GPCPD1: variants seen among roughly 807,000 people sequenced by gnomAD.
GPCPD1 encodes the protein glycerophosphocholine phosphodiesterase GPCPD1.
A neutral mutation model predicts 89.2 loss-of-function variants in GPCPD1; 29 were observed. The observed-to-expected ratio is 0.33, with a 90% CI of 0.24 to 0.44. The LOEUF (loss-of-function observed/expected upper bound fraction) is 0.44. Ranked by LOEUF, GPCPD1 falls within the 20% of genes least tolerant of loss-of-function variation. The probability of loss-of-function intolerance (pLI) is 1.00; values close to 1 mark genes in which losing one functional copy is unlikely to be tolerated. For missense variants in GPCPD1, 594 were observed against 808.9 expected (o/e 0.73, Z 3.22); for synonymous variants, 258 against 266.3 (o/e 0.97, Z 0.30).
At chr20:5,594,485 G>A (rs1979565308) in intron 3 of GPCPD1, among the ~76,000 whole-genome samples, 1 of 152,014 alleles carries the variant, frequency 6.6e-6, no homozygotes, top group Non-Finnish European at 1.5e-5. Flanking sequence ...AGTAGAGACG[G>A]GTTTCACCGC....
intron 1 of GPCPD1, among the ~76,000 whole-genome samples, chr20:5,609,172 A>G (rs886499419): frequency 2.0e-5 from 3 of 152,108 alleles, no homozygotes; most frequent in Non-Finnish European, 4.4e-5. Flanking sequence ...CTTCCTTCGA[A>G]TTTTTTCAAG....
At chr20:5,593,266 TA>T in intron 4 of GPCPD1, 60 bp downstream of exon 4, 1 of 837,792 alleles carries the variant, frequency 1.2e-6, no homozygotes, top group Non-Finnish European at 2.1e-6. Context: ...TGTTCAAACT[TA>T]AGTGAGTTGC....
intron 19 of GPCPD1, among the ~76,000 whole-genome samples, chr20:5,555,062 C>T (rs1350339807): frequency 1.3e-5 from 2 of 152,192 alleles, no homozygotes; most frequent in East Asian, 3.8e-4. Flanking sequence ...CATGATAAAA[C>T]TTTAACAGAC....
intron 1 of GPCPD1, among the ~76,000 whole-genome samples, chr20:5,605,472 T>C (rs1568683276): frequency 6.6e-6 from 1 of 152,138 alleles, no homozygotes; most frequent in South Asian, 2.1e-4. Context: ...ATGTAACTTA[T>C]CATTAAAAGA....
chr20:5,545,061 G>C lies in GPCPD1; in HGVS notation c.*2600C>G, dbSNP rs1418378131. ...TAGAAAATACCAGAGGATAATGGCG[G>C]CATTTTTTCAAACATTTCACTTGAT... On this transcript the variant is annotated 3_prime_UTR_variant, in exon 20 of 20. Coordinates refer to ENST00000379019, the MANE Select transcript of GPCPD1 (RefSeq NM_019593.5). 1.6e-5 allele frequency: 2 copies of C among 127,058 alleles called. No homozygotes were observed. The highest frequency in any genetic ancestry group is 3.2e-5 in the Non-Finnish European group (2 of 61,822). The allele number at this position is 127,058 out of a possible 1,614,324, so 7.9% of individuals were successfully genotyped here. A position where few individuals can be genotyped will look rare whatever the true frequency, so the allele number is the denominator to read the frequency against.
intron 16 of GPCPD1, among the ~76,000 whole-genome samples, chr20:5,561,230 A>C (rs1158460852): frequency 1.3e-5 from 2 of 152,260 alleles, no homozygotes; most frequent in African/African-American, 4.8e-5. Context: ...TGTTCACACA[A>C]GACACATGTA....
chr20:5,568,251 G>GTATATATATATATATACTTAGTA (rs200691996), intron 12 of GPCPD1, among the ~76,000 whole-genome samples: 1 of 145,176 alleles, frequency 6.9e-6, no homozygotes, highest in Admixed American at 6.9e-5. Context: ...TATATACTTA[G>GTATATATATATATATACTTAGTA]TATATATATA....
chr20:5,602,209 G>A (rs1372748874), intron 2 of GPCPD1, among the ~76,000 whole-genome samples: 1 of 152,194 alleles, frequency 6.6e-6, no homozygotes, highest in Non-Finnish European at 1.5e-5. Flanking sequence ...CACGTACAGA[G>A]TCATCTATAT....
chr20:5,606,436 C>T (rs967265762), intron 1 of GPCPD1, among the ~76,000 whole-genome samples: 14 of 152,054 alleles, frequency 9.2e-5, no homozygotes, highest in Non-Finnish European at 1.9e-4. Flanking sequence ...TCATAGCTAC[C>T]TTACATAGTC....
chr20:5,593,911 G>A lies in GPCPD1; in HGVS notation c.147-500C>T, dbSNP rs576259595. Among the ~76,000 whole-genome samples, 8 of 152,332 alleles carry A rather than the reference G, an allele frequency of 5.3e-5. No homozygotes were observed. In the East Asian group the frequency reaches 1.2e-3, roughly 22 times the overall value. ...CGCAGCTTTTGTGTCACAAATGAGA[G>A]ATAAACATGAGTTACACTCCTATTC... On this transcript the variant is annotated intron_variant, in intron 3 of 19. Transcript: ENST00000379019.
intron 3 of GPCPD1, among the ~76,000 whole-genome samples, chr20:5,597,041 C>T (rs1282966161): frequency 2.0e-5 from 3 of 152,152 alleles, no homozygotes; most frequent in Non-Finnish European, 4.4e-5. Context: ...TGAGGTTTCA[C>T]TTCAGACCAG....
rs1980937412 is a variant in GPCPD1, at chr20:5,610,950, C to T, written c.-137G>A. On this transcript the variant is annotated 5_prime_UTR_variant, in exon 1 of 20. Transcript: ENST00000379019. Reference sequence around the variant, plus strand: ...CCGTCCGTGCCTCGCCAGCGCTCCCCCCAGGCGGCCTGCCGCGGCGTCGAG... The same window carrying T: ...CCGTCCGTGCCTCGCCAGCGCTCCCTCCAGGCGGCCTGCCGCGGCGTCGAG... 2 of 152,084 alleles carry T rather than the reference C, an allele frequency of 1.3e-5. No individual in the cohort carries two copies. Among genetic ancestry groups the T allele is most frequent in the South Asian group, 4.1e-4 (2 of 4,834 alleles). 9.4% of individuals were successfully genotyped at this position (152,084 alleles called of 1,614,324 possible).
intron 2 of GPCPD1, among the ~76,000 whole-genome samples, chr20:5,603,455 G>A (rs1049751886): frequency 6.6e-6 from 1 of 152,050 alleles, no homozygotes; most frequent in African/African-American, 2.4e-5. Flanking sequence ...GTATGAGAGT[G>A]GGCAAAGATC....
chr20:5,604,320 G>A (rs1251041570), intron 2 of GPCPD1, 44 bp downstream of exon 2: 2 of 963,426 alleles, frequency 2.1e-6, no homozygotes, highest in Non-Finnish European at 3.3e-6. Flanking sequence ...TAAGAAACAT[G>A]CTAATTTAAT....
At chr20:5,556,072 C>A (rs1361608573) in intron 19 of GPCPD1, among the ~76,000 whole-genome samples, 2 of 152,190 alleles carry the variant, frequency 1.3e-5, no homozygotes, top group African/African-American at 4.8e-5. Flanking sequence ...CAAGACCCTC[C>A]AGCAGCAAAA....
intron 19 of GPCPD1, among the ~76,000 whole-genome samples, 182 bp downstream of exon 19, chr20:5,557,763 A>G (rs888935841): frequency 1.3e-5 from 2 of 152,224 alleles, no homozygotes; most frequent in Admixed American, 1.3e-4. Context: ...TGAATCCTTA[A>G]CAAGCTTCCC....
At chr20:5,553,432 G>T (rs1385693620) in intron 19 of GPCPD1, among the ~76,000 whole-genome samples, 1 of 152,028 alleles carries the variant, frequency 6.6e-6, no homozygotes, top group East Asian at 1.9e-4. Context: ...CCTTACAATG[G>T]CCCCTAAGTG....
Position 5,557,933 on chromosome 20 carries a change from A to AAAAATTTTCATGG in GPCPD1, c.1829+11_1829+12insCCATGAAAATTTT. The AAAAATTTTCATGG allele has an allele frequency of 1.4e-6, 2 of 1,446,280 alleles. No individual in the cohort carries two copies. The highest frequency in any genetic ancestry group is 1.9e-6 in the Non-Finnish European group (2 of 1,051,808). The allele number at this position is 1,446,280 out of a possible 1,614,324, so 89.6% of individuals were successfully genotyped here. On this transcript the variant is annotated intron_variant, in intron 19 of 19. Coordinates refer to ENST00000379019, the MANE Select transcript of GPCPD1 (RefSeq NM_019593.5). ...CTAAATTCCATGAAAATTTTTCATG[A>AAAAATTTTCATGG]AAAACAAATACCTATCATAAATTAG...
chr20:5,568,854 G>A (rs894190389), intron 12 of GPCPD1, among the ~76,000 whole-genome samples: 5 of 152,116 alleles, frequency 3.3e-5, no homozygotes, highest in African/African-American at 9.7e-5. Context: ...TGGAGGTTGA[G>A]CCAAGATCAC....
Sources: gnomAD v4.1 joint callset for allele counts (sites outside exome capture counted in the v4.1 genomes callset) on GRCh38, gnomAD v4.1.1 for gene constraint, MANE v1.5 for transcripts, NCBI Gene and HGNC (gene_info 2026-07-23, HGNC 2026-07-21) for gene names.